ERBB4: variants seen among roughly 807,000 people sequenced by gnomAD.
The protein encoded by ERBB4 is receptor tyrosine-protein kinase erbB-4.
ERBB4 carries 42 observed loss-of-function variants against 158.0 expected under a neutral mutation model. The ratio of observed to expected loss-of-function variants is 0.27; its 90% CI spans 0.21 to 0.34. The LOEUF (loss-of-function observed/expected upper bound fraction) is 0.34. Ranked by LOEUF, ERBB4 falls within the 10% of genes least tolerant of loss-of-function variation. The pLI is 1.00. For missense variants in ERBB4, 1,333 were observed against 1,624.1 expected (o/e 0.82, Z 3.08); for synonymous variants, 583 against 558.7 (o/e 1.04, Z -0.61).
chr2:211,690,774 G>A (rs570907314), intron 12 of ERBB4, among the ~76,000 whole-genome samples: 2 of 152,282 alleles, frequency 1.3e-5, no homozygotes, highest in African/African-American at 4.8e-5. Flanking sequence ...ATAGTCATGA[G>A]TGAAGGAGTG....
intron 2 of ERBB4, among the ~76,000 whole-genome samples, chr2:212,015,833 C>A (rs1185010961): frequency 1.3e-5 from 2 of 152,092 alleles, no homozygotes; most frequent in Non-Finnish European, 2.9e-5. Context: ...ACTTGAGGCC[C>A]TTTGACCTTG....
chr2:211,669,216 C>CAAAA (rs71054124), intron 14 of ERBB4, among the ~76,000 whole-genome samples: 27 of 56,082 alleles, frequency 4.8e-4, no homozygotes, highest in East Asian at 1.2e-3. Flanking sequence ...GAGTGAGTCT[C>CAAAA]AAAAAAAAAA....
rs2078963211 is a variant in ERBB4, at chr2:212,097,412, G to A, written c.234+27340C>T. Among the ~76,000 whole-genome samples the A allele has an allele frequency of 1.3e-5, 2 of 152,216 alleles. 1 individual carries two copies. The highest frequency in any genetic ancestry group is 4.1e-4 in the South Asian group (2 of 4,832). Reference sequence around the variant, plus strand: ...GGATACATTGTGAGCATAGGGAACTGATTTGACTAAGGGCCTGGATCCCTA... The same window carrying A: ...GGATACATTGTGAGCATAGGGAACTAATTTGACTAAGGGCCTGGATCCCTA... On this transcript the variant is annotated intron_variant, in intron 2 of 27. Transcript: ENST00000342788.
At chr2:211,536,718 A>C (rs953469503) in intron 20 of ERBB4, among the ~76,000 whole-genome samples, 4 of 152,076 alleles carry the variant, frequency 2.6e-5, no homozygotes, top group African/African-American at 9.7e-5. Flanking sequence ...GTCAGAAATA[A>C]AGAAAACAAC....
intron 3 of ERBB4, among the ~76,000 whole-genome samples, chr2:211,905,886 G>T (rs79471679): frequency 0.025 from 3,827 of 150,988 alleles, 165 homozygotes; most frequent in African/African-American, 0.089. Flanking sequence ...CAAGCAGAGA[G>T]AGCAAAAAGT....
intron 25 of ERBB4, among the ~76,000 whole-genome samples, chr2:211,410,233 G>GTA (rs1441177003): frequency 2.0e-5 from 3 of 152,120 alleles, no homozygotes; most frequent in South Asian, 2.1e-4. Flanking sequence ...TGTTTTAAAT[G>GTA]TATATATATA....
At position 212,060,676 on chromosome 2, in the gene ERBB4, T is replaced by C. The variant is rs986817992; in HGVS notation, c.234+64076A>G. Among the ~76,000 whole-genome samples the C allele has an allele frequency of 3.4e-5, 5 of 148,668 alleles. No homozygotes were observed. In the East Asian group the frequency reaches 1.0e-3, roughly 30 times the overall value. ...TCCTTTGTAGGGACATGGATGAATC[T>C]GGAAACCATCATTCTCAGCAAATTA... is the stretch of plus-strand genomic sequence containing the variant. On this transcript the variant is annotated intron_variant, in intron 2 of 27. Coordinates refer to ENST00000342788, the MANE Select transcript of ERBB4 (RefSeq NM_005235.3).
intron 3 of ERBB4, among the ~76,000 whole-genome samples, chr2:211,887,832 G>C (rs1380616810): frequency 6.6e-6 from 1 of 152,146 alleles, no homozygotes; most frequent in Non-Finnish European, 1.5e-5. Flanking sequence ...GTATGGATTT[G>C]AATCTGTTTT....
At chr2:211,852,562 T>A (rs904424195) in intron 3 of ERBB4, among the ~76,000 whole-genome samples, 4 of 151,580 alleles carry the variant, frequency 2.6e-5, no homozygotes, top group African/African-American at 4.8e-5. Context: ...TTGTTCAACA[T>A]CATTCCCCTA....
intron 15 of ERBB4, among the ~76,000 whole-genome samples, chr2:211,660,156 T>C (rs2071366533): frequency 6.6e-6 from 1 of 152,190 alleles, no homozygotes; most frequent in Non-Finnish European, 1.5e-5. Flanking sequence ...TTTTGAGAAA[T>C]ATTTGCTTAG....
rs114210027 is a variant in ERBB4, at chr2:211,993,169, A to T, written c.235-45553T>A. On this transcript the variant is annotated intron_variant, in intron 2 of 27. Coordinates refer to ENST00000342788, the MANE Select transcript of ERBB4 (RefSeq NM_005235.3). ...CTCTGGCACCTTAGAATGTAACTGT[A>T]TACGGAGATAGGATCTTTAAGGAGG... Among the ~76,000 whole-genome samples, 879 of 152,326 alleles carry T rather than the reference A, an allele frequency of 5.8e-3. 8 individuals are homozygous for T. The highest frequency in any genetic ancestry group is 0.02 in the African/African-American group (826 of 41,580).
chr2:211,782,879 C>A (rs2076070929), intron 4 of ERBB4, among the ~76,000 whole-genome samples: 1 of 152,098 alleles, frequency 6.6e-6, no homozygotes, highest in South Asian at 2.1e-4. Flanking sequence ...TCCATATGAA[C>A]TTTAAAGTAG....
At chr2:212,376,906 T>C (rs2090341865) in intron 1 of ERBB4, among the ~76,000 whole-genome samples, 1 of 152,030 alleles carries the variant, frequency 6.6e-6, no homozygotes, top group South Asian at 2.1e-4. Context: ...AGGCAAACTA[T>C]TGAGAAAACA....
intron 20 of ERBB4, among the ~76,000 whole-genome samples, chr2:211,517,733 T>C (rs368687580): frequency 6.6e-6 from 1 of 152,118 alleles, no homozygotes; most frequent in Non-Finnish European, 1.5e-5. Flanking sequence ...ATCCAAGACA[T>C]GCATTATAGA....
chr2:212,320,738 G>A (rs2087531682), intron 1 of ERBB4, among the ~76,000 whole-genome samples: 1 of 149,870 alleles, frequency 6.7e-6, no homozygotes, highest in Non-Finnish European at 1.5e-5. Context: ...CTAGGGCCAG[G>A]TTTGTTGTTT....
At chr2:211,487,498 A>G (rs2125562594) in intron 20 of ERBB4, among the ~76,000 whole-genome samples, 1 of 152,234 alleles carries the variant, frequency 6.6e-6, no homozygotes, top group African/African-American at 2.4e-5. Flanking sequence ...TTATGTAGAC[A>G]TACACTCAAA....
At chr2:211,618,343 T>C (rs1218571171) in intron 19 of ERBB4, among the ~76,000 whole-genome samples, 1 of 152,104 alleles carries the variant, frequency 6.6e-6, no homozygotes, top group African/African-American at 2.4e-5. Flanking sequence ...GCAGCTTATT[T>C]ATGTAAATAA....
intron 1 of ERBB4, among the ~76,000 whole-genome samples, chr2:212,488,318 CCT>C (rs67659068): frequency 0.043 from 4,981 of 115,466 alleles, 266 homozygotes; most frequent in African/African-American, 0.18. Context: ...TTTCCTCGCT[CCT>C]CTCTCTCTCT....
intron 18 of ERBB4, among the ~76,000 whole-genome samples, chr2:211,619,567 G>A (rs1442104213): frequency 6.6e-6 from 1 of 152,100 alleles, no homozygotes; most frequent in Non-Finnish European, 1.5e-5. Flanking sequence ...AGACAGCATG[G>A]AAATAGGATA....
Sources: gnomAD v4.1 joint callset for allele counts (sites outside exome capture counted in the v4.1 genomes callset) on GRCh38, gnomAD v4.1.1 for gene constraint, MANE v1.5 for transcripts, NCBI Gene and HGNC (gene_info 2026-07-23, HGNC 2026-07-21) for gene names.